The following IP6K1 variants were observed in gnomAD, a reference collection of about 807,000 sequenced individuals.
IP6K1 encodes ATP:1D-myo-inositol-hexakisphosphate phosphotransferase.
In IP6K1, 13 loss-of-function variants were observed where a neutral mutation model predicts 38.3. The observed-to-expected ratio is 0.34, with a 90% CI of 0.22 to 0.54. IP6K1 has a LOEUF of 0.54. Among genes scored for constraint, IP6K1 ranks in the 20% least tolerant of loss-of-function variants. IP6K1 has a pLI of 0.92. For synonymous variants in IP6K1, 212 were observed against 229.9 expected, an observed-to-expected ratio of 0.92 and a Z score of 0.70; for missense variants, 397 against 599.8, an observed-to-expected ratio of 0.66 and a Z score of 3.53.
chr3:49,765,302 GA>G (rs1348127567), intron 1 of IP6K1, among the ~76,000 whole-genome samples: 1 of 151,816 alleles, frequency 6.6e-6, no homozygotes, highest in South Asian at 2.1e-4. Flanking sequence ...AAAAGAAAAA[GA>G]AAAAATATAG....
chr3:49,786,167 TG>T (rs2081111359), intron 1 of IP6K1, 186 bp downstream of exon 1: 1 of 152,304 alleles, frequency 6.6e-6, no homozygotes, highest in Admixed American at 6.5e-5. Context: ...CCACACCGGC[TG>T]TCCCCCCGGC....
chr3:49,736,218 T>TA (rs2080610420), intron 3 of IP6K1, among the ~76,000 whole-genome samples: 1 of 152,212 alleles, frequency 6.6e-6, no homozygotes, highest in Admixed American at 6.5e-5. Flanking sequence ...GCCTGGCTCA[T>TA]AATTCTATTA....
chr3:49,763,313 G>A (rs986689853), intron 1 of IP6K1, among the ~76,000 whole-genome samples: 1 of 150,780 alleles, frequency 6.6e-6, no homozygotes, highest in Non-Finnish European at 1.5e-5. Context: ...CGCCGTGTTA[G>A]CCAGGATGGT....
intron 5 of IP6K1, 69 bp downstream of exon 5, chr3:49,728,034 C>A: frequency 6.7e-7 from 1 of 1,487,168 alleles, no homozygotes; most frequent in South Asian, 1.2e-5. Flanking sequence ...GCATAGATGG[C>A]AGGCAGGTAT....
Position 49,728,189 on chromosome 3 carries a change from C to G in IP6K1, c.706G>C (p.Ala236Pro), listed in dbSNP as rs758950455. Reference protein sequence around the residue: ...KMGTRQHGDDASAEKAARQMR... With the variant: ...KMGTRQHGDDPSAEKAARQMR... ...TGCCGGGCTGCCTTCTCAGCTGACGCGTCATCGCCATGCTGCCGCGTGCCC... is the reference window on the plus strand; with the variant it reads ...TGCCGGGCTGCCTTCTCAGCTGACGGGTCATCGCCATGCTGCCGCGTGCCC... Residue 236 changes from alanine (A) to proline (P), a missense_variant, in exon 5 of 6, where the codon GCG (alanine) becomes CCG (proline). Physicochemically the swap from Ala to Pro is conservative, Grantham distance 27. Coordinates refer to ENST00000321599, the MANE Select transcript of IP6K1 (RefSeq NM_153273.4). 6.2e-7 allele frequency: 1 copy of G among 1,614,172 alleles called. No homozygotes were observed.
chr3:49,730,046 C>A (rs993693446), intron 4 of IP6K1, among the ~76,000 whole-genome samples: 1 of 152,140 alleles, frequency 6.6e-6, no homozygotes, highest in African/African-American at 2.4e-5. Flanking sequence ...GTGTCTGCCA[C>A]CACCCCCAGC....
chr3:49,744,608 T>C (rs901961686), intron 2 of IP6K1, among the ~76,000 whole-genome samples: 2 of 152,258 alleles, frequency 1.3e-5, no homozygotes, highest in African/African-American at 4.8e-5. Flanking sequence ...CACCATAAGA[T>C]GTTCTAGGCT....
Position 49,731,887 on chromosome 3 carries a change from C to CAAAAAAAAAAAAAAAA in IP6K1, c.616+888_616+903dup, listed in dbSNP as rs71080545. 1.7e-3 allele frequency among the ~76,000 whole-genome samples: 111 copies of CAAAAAAAAAAAAAAAA among 65,310 alleles called. 9 individuals carry two copies. Among genetic ancestry groups the CAAAAAAAAAAAAAAAA allele is most frequent in the African/African-American group, 3.3e-3 (65 of 19,740 alleles). The allele number at this position is 65,310 out of a possible 152,430, so 42.8% of individuals were successfully genotyped here. On this transcript the variant is annotated intron_variant, in intron 4 of 5. Transcript: ENST00000321599. ...TGGGTAACAGAGTGAGACTCTGTCTCAAAAAAAAAAAAAAAAAAGGAATTC... is the reference window on the plus strand; with the variant it reads ...TGGGTAACAGAGTGAGACTCTGTCTCAAAAAAAAAAAAAAAAAAAAAAAAAAAAAAAAAAGGAATTC...
intron 1 of IP6K1, among the ~76,000 whole-genome samples, chr3:49,771,417 G>A (rs2080959168): frequency 6.6e-6 from 1 of 152,060 alleles, no homozygotes; most frequent in Admixed American, 6.6e-5. Context: ...CACAAACGAA[G>A]ATACACAAAG....
intron 1 of IP6K1, among the ~76,000 whole-genome samples, chr3:49,759,728 G>A (rs1006397053): frequency 6.6e-6 from 1 of 152,160 alleles, no homozygotes; most frequent in Non-Finnish European, 1.5e-5. Flanking sequence ...AGGTTACCCA[G>A]AAGCAGATCA....
chr3:49,747,915 G>A lies in IP6K1; in HGVS notation c.126C>T (p.Tyr42=), dbSNP rs553293311. ...GGGGCTTGCACACAGTGTGATCGTC[G>A]TAACGCATCATGCTGCTGTGTCCGC... ...QVGGHSSMMR[Y]DDHTVCKPLI... The change falls in exon 2 of 6, where the codon TAC becomes TAT. Residue 42 remains tyrosine, a synonymous_variant. Coordinates refer to ENST00000321599, the MANE Select transcript of IP6K1 (RefSeq NM_153273.4). 9.3e-6 allele frequency: 15 copies of A among 1,614,190 alleles called. No individual in the cohort carries two copies. The highest frequency in any genetic ancestry group is 3.3e-5 in the South Asian group (3 of 91,082).
chr3:49,775,741 C>A, intron 1 of IP6K1: 2 of 338,054 alleles, frequency 5.9e-6, no homozygotes, highest in South Asian at 8.1e-5. Context: ...AGTGTCCTGG[C>A]AGCTTACCAA....
intron 1 of IP6K1, among the ~76,000 whole-genome samples, chr3:49,766,602 T>C (rs773583832): frequency 6.7e-6 from 1 of 150,242 alleles, no homozygotes; most frequent in Non-Finnish European, 1.5e-5. Flanking sequence ...ACGCAGAGGT[T>C]GCAGTGAGCC....
In IP6K1 at chr3:49,727,324, C is replaced by G. The variant is rs768173594; in HGVS notation, c.1124G>C (p.Ser375Thr). 1.9e-6 allele frequency: 3 copies of G among 1,614,084 alleles called. No individual in the cohort carries two copies. Among genetic ancestry groups the G allele is most frequent in the Non-Finnish European group, 2.5e-6 (3 of 1,179,982 alleles). Residue 375 changes from serine (S) to threonine (T), a missense_variant, in exon 6 of 6, where the codon AGC becomes ACC. Ser to Thr is a moderately conservative substitution (Grantham distance 58). Coordinates refer to ENST00000321599, the MANE Select transcript of IP6K1 (RefSeq NM_153273.4). The surrounding 1 kb of genome is among the most constrained non-coding windows in gnomAD (Gnocchi z 5.9). ...GGGGCTGGTGTTGCTGGGGCTGGTGCTGGGGCCACAGGATGACGCCACCTC... is the reference window on the plus strand; with the variant it reads ...GGGGCTGGTGTTGCTGGGGCTGGTGGTGGGGCCACAGGATGACGCCACCTC... ...LPEVASSCGPSTSPSNTSPEA... is the reference protein window; with the variant it reads ...LPEVASSCGPTTSPSNTSPEA...
At chr3:49,768,694 T>C (rs2080931805) in intron 1 of IP6K1, among the ~76,000 whole-genome samples, 1 of 152,020 alleles carries the variant, frequency 6.6e-6, no homozygotes, top group Non-Finnish European at 1.5e-5. Context: ...CACTTAAACC[T>C]GGGAGGCGGA....
intron 4 of IP6K1, among the ~76,000 whole-genome samples, chr3:49,728,643 T>G (rs555085536): frequency 1.3e-4 from 20 of 152,192 alleles, no homozygotes; most frequent in African/African-American, 4.6e-4. Context: ...TGGAGTGATC[T>G]CGGCTAACTG....
At chr3:49,774,248 T>C (rs1024407733) in intron 1 of IP6K1, among the ~76,000 whole-genome samples, 25 of 150,464 alleles carry the variant, frequency 1.7e-4, no homozygotes, top group African/African-American at 6.1e-4. Context: ...CTACTAAAAA[T>C]ACAAAAAAAA....
intron 1 of IP6K1, among the ~76,000 whole-genome samples, chr3:49,766,404 C>T (rs1440577145): frequency 6.6e-6 from 1 of 151,500 alleles, no homozygotes; most frequent in Non-Finnish European, 1.5e-5. Flanking sequence ...TGGCTCACAA[C>T]TGTAATCCCA....
chr3:49,778,864 G>T (rs541080590), intron 1 of IP6K1, among the ~76,000 whole-genome samples: 2 of 152,070 alleles, frequency 1.3e-5, no homozygotes, highest in Non-Finnish European at 2.9e-5. Flanking sequence ...GGGCTCAAGT[G>T]ATCCTACTGC....
Sources: allele counts gnomAD v4.1 joint callset (sites outside exome capture counted in the v4.1 genomes callset), GRCh38; gene constraint gnomAD v4.1.1; non-coding constraint Gnocchi (gnomAD v3.1); transcripts MANE v1.5; gene names NCBI Gene and HGNC (gene_info 2026-07-23, HGNC 2026-07-21).